Variants in NCKAP5 observed in about 807,000 individuals in gnomAD.
The protein encoded by NCKAP5 is nck-associated protein 5.
A neutral mutation model predicts 167.0 loss-of-function variants in NCKAP5; 92 were observed. The observed-to-expected ratio is 0.55, with a 90% confidence interval of 0.47 to 0.66. The LOEUF is 0.66. NCKAP5 is among the 30% of genes least tolerant of loss of function. The probability of loss-of-function intolerance (pLI) is 0.00; values close to 1 mark genes in which losing one functional copy is unlikely to be tolerated. For synonymous variants in NCKAP5, 891 were observed against 877.4 expected (o/e 1.02, Z -0.27); for missense variants, 2,378 against 2,315.0 (o/e 1.03, Z -0.56).
intron 3 of NCKAP5, among the ~76,000 whole-genome samples, chr2:133,361,117 A>G (rs1279214974): frequency 6.6e-6 from 1 of 151,866 alleles, no homozygotes; most frequent in Non-Finnish European, 1.5e-5. Flanking sequence ...TGGCTTTTCT[A>G]AGAGAATGCA....
At position 133,517,978 on chromosome 2, in the gene NCKAP5, G is replaced by A. The variant is rs541175938; in HGVS notation, c.-61-391C>T. Among the ~76,000 whole-genome samples, 15 of 152,260 alleles carry A rather than the reference G, an allele frequency of 9.9e-5. No individual in the cohort carries two copies. In the South Asian group the frequency reaches 1.0e-3, roughly 11 times the overall value. On this transcript the variant is annotated intron_variant, in intron 2 of 19. Transcript: ENST00000409261. ...CATGAGATCAAACCGACAAAACCAC[G>A]CTCTATAACCAAGAGTTATTGAGCT...
the NCKAP5 span, among the ~76,000 whole-genome samples, chr2:133,654,825 C>T: frequency 6.6e-6 from 1 of 152,154 alleles, no homozygotes; most frequent in Admixed American, 6.5e-5. Flanking sequence ...TTCTTTACAT[C>T]GAAGAGCTTC....
chr2:132,936,400 G>A (rs1696854868), intron 8 of NCKAP5, among the ~76,000 whole-genome samples: 1 of 152,222 alleles, frequency 6.6e-6, no homozygotes, highest in Non-Finnish European at 1.5e-5. Flanking sequence ...GAAATACTCT[G>A]TAGTGAGACA....
At chr2:133,638,906 A>G in the NCKAP5 span, among the ~76,000 whole-genome samples, 1 of 152,146 alleles carries the variant, frequency 6.6e-6, no homozygotes, top group Non-Finnish European at 1.5e-5. Context: ...AAACAAGCAC[A>G]GCAGTAACAA....
At chr2:133,323,099 C>A (rs573546659) in intron 3 of NCKAP5, among the ~76,000 whole-genome samples, 1 of 152,276 alleles carries the variant, frequency 6.6e-6, no homozygotes, top group South Asian at 2.1e-4. Context: ...AACAAATGGA[C>A]ACTTGTTGGT....
At chr2:132,747,434 CTAT>C (rs1478134827) in intron 16 of NCKAP5, among the ~76,000 whole-genome samples, 1 of 152,082 alleles carries the variant, frequency 6.6e-6, no homozygotes, top group Non-Finnish European at 1.5e-5. Context: ...TGGGAAATAG[CTAT>C]TATTATCTTC....
At chr2:132,938,155 G>C (rs1163414430) in intron 8 of NCKAP5, among the ~76,000 whole-genome samples, 1 of 152,142 alleles carries the variant, frequency 6.6e-6, no homozygotes, top group African/African-American at 2.4e-5. Flanking sequence ...TGTCAAGGTG[G>C]TATGATTTGA....
At chr2:133,426,123 A>G (rs192628140) in intron 3 of NCKAP5, among the ~76,000 whole-genome samples, 4 of 152,148 alleles carry the variant, frequency 2.6e-5, no homozygotes, top group South Asian at 2.1e-4. Context: ...TACAAAAATT[A>G]GCTGGACGTG....
chr2:133,452,427 G>A (rs1574979476), intron 3 of NCKAP5, among the ~76,000 whole-genome samples: 1 of 152,170 alleles, frequency 6.6e-6, no homozygotes, highest in African/African-American at 2.4e-5. Flanking sequence ...ACTGATGGAG[G>A]ATAATCCACA....
chr2:132,956,193 T>C (rs911462445), intron 8 of NCKAP5, among the ~76,000 whole-genome samples: 4 of 152,236 alleles, frequency 2.6e-5, no homozygotes, highest in Admixed American at 2.6e-4. Flanking sequence ...TCACTCTGCA[T>C]GCCATAAATG....
At chr2:133,614,328 G>C in the NCKAP5 span, among the ~76,000 whole-genome samples, 2 of 152,218 alleles carry the variant, frequency 1.3e-5, no homozygotes, top group Middle Eastern at 6.8e-3. Context: ...AGAGAAGAAG[G>C]CTTCAGAAGA....
At chr2:133,595,859 A>G in the NCKAP5 span, among the ~76,000 whole-genome samples, 5 of 152,206 alleles carry the variant, frequency 3.3e-5, no homozygotes, top group African/African-American at 2.4e-5. Flanking sequence ...TGAGTTGTAC[A>G]TAATTTTCAT....
At position 133,114,361 on chromosome 2, in the gene NCKAP5, T is replaced by C. The variant is rs533538755; in HGVS notation, c.341+15617A>G. 1.1e-4 allele frequency among the ~76,000 whole-genome samples: 17 copies of C among 152,348 alleles called. 1 individual carries two copies. In the South Asian group the frequency reaches 2.3e-3, roughly 20 times the overall value. ...TTGATTATAACCAACTCAAAGCCAATTGAGTTTCAACATTAACTCCTGATC... is the reference window on the plus strand; with the variant it reads ...TTGATTATAACCAACTCAAAGCCAACTGAGTTTCAACATTAACTCCTGATC... On this transcript the variant is annotated intron_variant, in intron 6 of 19. Transcript: ENST00000409261.
intron 3 of NCKAP5, among the ~76,000 whole-genome samples, chr2:133,362,397 ACT>A (rs2150872633): frequency 6.6e-6 from 1 of 152,310 alleles, no homozygotes; most frequent in East Asian, 1.9e-4. Context: ...TTGCTGGCAA[ACT>A]CTGGGGAATC....
At position 132,844,337 on chromosome 2, in the gene NCKAP5, A is replaced by G. The variant is rs542865687; in HGVS notation, c.807+16155T>C. Among the ~76,000 whole-genome samples the G allele has an allele frequency of 3.3e-5, 5 of 152,268 alleles. No homozygotes were observed. The South Asian group carries it at 1.0e-3, about 32-fold the overall frequency. On this transcript the variant is annotated intron_variant, in intron 11 of 19. Coordinates refer to ENST00000409261, the MANE Select transcript of NCKAP5 (RefSeq NM_207363.3). ...TAAATTCTTACTGTAAAGAATTCAA[A>G]TAAGAATTCTACAAGAAAGATAAAC...
chr2:133,003,971 G>A (rs1323754198), intron 6 of NCKAP5, among the ~76,000 whole-genome samples: 1 of 152,170 alleles, frequency 6.6e-6, no homozygotes, highest in Non-Finnish European at 1.5e-5. Flanking sequence ...GCAGAGATGG[G>A]CACTCAGAGA....
At chr2:133,386,762 T>C (rs543487923) in intron 3 of NCKAP5, among the ~76,000 whole-genome samples, 1 of 152,244 alleles carries the variant, frequency 6.6e-6, no homozygotes, top group Non-Finnish European at 1.5e-5. Flanking sequence ...TTAGGATAGT[T>C]AGCTCTTCTT....
intron 8 of NCKAP5, among the ~76,000 whole-genome samples, chr2:132,906,432 C>A (rs906227570): frequency 6.6e-6 from 1 of 152,098 alleles, no homozygotes; most frequent in Non-Finnish European, 1.5e-5. Flanking sequence ...GAGTTGTCAT[C>A]GCCATGCAGA....
chr2:132,766,430 T>C (rs1681500346), intron 16 of NCKAP5, among the ~76,000 whole-genome samples: 4 of 152,204 alleles, frequency 2.6e-5, no homozygotes, highest in South Asian at 2.1e-4. Context: ...AAATTTCTAT[T>C]CTTATTTAAA....
Sources: gnomAD v4.1 joint callset for allele counts (sites outside exome capture counted in the v4.1 genomes callset) on GRCh38, gnomAD v4.1.1 for gene constraint, MANE v1.5 for transcripts, NCBI Gene and HGNC (gene_info 2026-07-23, HGNC 2026-07-21) for gene names.